AP2A2: variants seen among roughly 807,000 people sequenced by gnomAD.
AP2A2 encodes AP-2 complex subunit alpha-2.
AP2A2 carries 32 observed loss-of-function variants against 104.2 expected under a neutral mutation model. The observed-to-expected ratio is 0.31, with a 90% CI of 0.23 to 0.41. The LOEUF is 0.41. AP2A2 is among the 10% of genes least tolerant of loss of function. AP2A2 has a pLI of 1.00. For synonymous variants in AP2A2, 539 were observed against 533.3 expected (o/e 1.01, Z -0.15); for missense variants, 912 against 1,261.0 (o/e 0.72, Z 4.19).
chr11:953,405 T>G (rs1216531571), intron 1 of AP2A2, among the ~76,000 whole-genome samples: 2 of 152,114 alleles, frequency 1.3e-5, no homozygotes, highest in South Asian at 2.1e-4. Flanking sequence ...CTTCAAGTGA[T>G]CCACCTGCCT....
At chr11:947,396 C>T (rs552068435) in intron 1 of AP2A2, among the ~76,000 whole-genome samples, 1 of 152,168 alleles carries the variant, frequency 6.6e-6, no homozygotes, top group Non-Finnish European at 1.5e-5. Context: ...TGTGATTTGA[C>T]AGTTACAGCA....
chr11:970,107 C>T (rs558927946), intron 2 of AP2A2, 62 bp from the exon 3 acceptor site: 3 of 1,576,958 alleles, frequency 1.9e-6, no homozygotes, highest in African/African-American at 1.3e-5. Context: ...CTGCCCTCTG[C>T]TCTCCCCTCT....
At position 999,529 on chromosome 11, in the gene AP2A2, A is replaced by G. The variant is rs904475486; in HGVS notation, c.1957-903A>G. ...ACAAAAACAGAGACAGTCTCTTGCT[A>G]TGTTGCCCAGGCTAGTTTTAAACTC... is the stretch of plus-strand genomic sequence containing the variant. On this transcript the variant is annotated intron_variant, in intron 14 of 21. Coordinates refer to ENST00000448903, the MANE Select transcript of AP2A2 (RefSeq NM_012305.4). Among the ~76,000 whole-genome samples the G allele has an allele frequency of 5.3e-5, 8 of 152,064 alleles. No homozygotes were observed. In the East Asian group the frequency reaches 1.2e-3, roughly 22 times the overall value.
intron 1 of AP2A2, among the ~76,000 whole-genome samples, chr11:935,853 C>G (rs1256318858): frequency 6.6e-6 from 1 of 151,488 alleles, no homozygotes; most frequent in African/African-American, 2.4e-5. Context: ...CTTGGCCTCC[C>G]AAAGTGCTGG....
chr11:952,323 C>A (rs1421094778), intron 1 of AP2A2, among the ~76,000 whole-genome samples: 1 of 152,174 alleles, frequency 6.6e-6, no homozygotes, highest in Admixed American at 6.5e-5. Flanking sequence ...GAATACTAAT[C>A]CTCTCTGTTG....
intron 10 of AP2A2, among the ~76,000 whole-genome samples, chr11:990,975 A>G (rs901550719): frequency 7.6e-6 from 1 of 131,338 alleles, no homozygotes; most frequent in Non-Finnish European, 1.6e-5. Context: ...TCAGTCGGGT[A>G]TGGTGCTCCC....
At chr11:953,365 A>G (rs963583891) in intron 1 of AP2A2, among the ~76,000 whole-genome samples, 22 of 152,242 alleles carry the variant, frequency 1.4e-4, no homozygotes, top group African/African-American at 4.6e-4. Context: ...GGATTTCACC[A>G]TGTTGCCCAG....
chr11:953,199 C>T (rs1318704606), intron 1 of AP2A2, among the ~76,000 whole-genome samples: 2 of 152,198 alleles, frequency 1.3e-5, no homozygotes, highest in African/African-American at 4.8e-5. Context: ...CTCTGTCACC[C>T]AGTCGCCCAG....
chr11:972,002 G>C, intron 3 of AP2A2, 60 bp from the exon 4 acceptor site: 1 of 1,501,678 alleles, frequency 6.7e-7, no homozygotes, highest in Non-Finnish European at 9.0e-7. Context: ...GGGTGACTCA[G>C]GGCCACAGGT....
rs150653189 is a variant in AP2A2 at position 987,799 on chromosome 11, A to G, written c.1132-753A>G. ...CCACCAAGTCCCTAGTCACCGGTGC[A>G]CATGCGTTAGGGAGTGGGAGGCGGG... On this transcript the variant is annotated intron_variant, in intron 9 of 21. Transcript: ENST00000448903. Among the ~76,000 whole-genome samples the G allele has an allele frequency of 2.1e-3, 320 of 152,362 alleles. 5 individuals carry two copies. The highest frequency in any genetic ancestry group is 7.3e-3 in the African/African-American group (305 of 41,596).
intron 1 of AP2A2, chr11:940,958 G>A (rs117397555): frequency 2.2e-6 from 1 of 456,004 alleles, no homozygotes; most frequent in Non-Finnish European, 4.4e-6. Context: ...TCACCCCTCG[G>A]GGAGTCTGTC....
chr11:963,912 CA>C (rs1448202660), intron 2 of AP2A2, among the ~76,000 whole-genome samples: 1 of 152,216 alleles, frequency 6.6e-6, no homozygotes, highest in Admixed American at 6.5e-5. Flanking sequence ...AGGCATGAGC[CA>C]CTGCACCTGG....
chr11:935,327 G>A (rs1164633579), intron 1 of AP2A2, among the ~76,000 whole-genome samples: 1 of 152,048 alleles, frequency 6.6e-6, no homozygotes, highest in African/African-American at 2.4e-5. Flanking sequence ...AAAATGCTGG[G>A]ATTACAGGTG....
intron 6 of AP2A2, among the ~76,000 whole-genome samples, chr11:983,135 A>AG (rs1476628338): frequency 2.1e-5 from 3 of 145,096 alleles, no homozygotes; most frequent in Non-Finnish European, 4.5e-5. Flanking sequence ...CTCCTACCTC[A>AG]GCCTCCCGAG....
chr11:953,558 A>T (rs142087005), intron 1 of AP2A2, among the ~76,000 whole-genome samples: 1 of 139,096 alleles, frequency 7.2e-6, no homozygotes. Flanking sequence ...CCCCCCCCCC[A>T]TTGTCTTCAC....
chr11:992,397 C>G lies in AP2A2; in HGVS notation c.1270-106C>G, dbSNP rs1393006217. 1.7e-6 allele frequency: 2 copies of G among 1,177,460 alleles called. No individual in the cohort carries two copies. Among genetic ancestry groups the G allele is most frequent in the African/African-American group, 3.0e-5 (2 of 65,880 alleles). 72.9% of individuals were successfully genotyped at this position (1,177,460 alleles called of 1,614,324 possible). A position where few individuals can be genotyped will look rare whatever the true frequency, so the allele number is the denominator to read the frequency against. Reference sequence around the variant, plus strand: ...CCTCCATGTCCCAAACTTTTGTAGACACATTGAGGTGCTTCTGAAACTCTC... The same window carrying G: ...CCTCCATGTCCCAAACTTTTGTAGAGACATTGAGGTGCTTCTGAAACTCTC... On this transcript the variant is annotated intron_variant, in intron 10 of 21. Coordinates refer to ENST00000448903, the MANE Select transcript of AP2A2 (RefSeq NM_012305.4). This position sits in a 1 kb window ranked among gnomAD's most constrained non-coding sequence, Gnocchi z 6.4.
At chr11:948,621 C>G (rs1332784853) in intron 1 of AP2A2, 1 of 152,108 alleles carries the variant, frequency 6.6e-6, no homozygotes, top group East Asian at 1.9e-4. Flanking sequence ...AATCCCAGCA[C>G]TTTGGGAGTC....
intron 16 of AP2A2, among the ~76,000 whole-genome samples, chr11:1,005,632 T>C (rs1323122931): frequency 6.6e-6 from 1 of 152,214 alleles, no homozygotes; most frequent in Non-Finnish European, 1.5e-5. Context: ...TCCTCAGGAC[T>C]GCTCTCTCTC....
At chr11:976,951 G>T (rs1855062345) in intron 4 of AP2A2, 144 bp from the exon 5 acceptor site, 1 of 1,021,836 alleles carries the variant, frequency 9.8e-7, no homozygotes, top group Non-Finnish European at 1.4e-6. Context: ...CCCCCTAGGC[G>T]GCCTCGGCAG....
Sources: gnomAD v4.1 joint callset for allele counts (sites outside exome capture counted in the v4.1 genomes callset) on GRCh38, gnomAD v4.1.1 for gene constraint, Gnocchi (gnomAD v3.1) non-coding constraint, MANE v1.5 for transcripts, NCBI Gene and HGNC (gene_info 2026-07-23, HGNC 2026-07-21) for gene names.